Variants in NRXN3 observed in about 807,000 individuals in gnomAD.
NRXN3 encodes neurexin III.
A neutral mutation model predicts 137.6 loss-of-function variants in NRXN3; 32 were observed. The observed-to-expected ratio is 0.23, with a 90% CI of 0.18 to 0.31. The LOEUF is 0.31. NRXN3 is among the 10% of genes least tolerant of loss of function. The pLI is 1.00. For synonymous variants in NRXN3, 798 were observed against 784.5 expected (o/e 1.02, Z -0.29); for missense variants, 1,574 against 2,062.5 (o/e 0.76, Z 4.59).
intron 10 of NRXN3, among the ~76,000 whole-genome samples, chr14:78,864,049 T>G (rs908671066): frequency 6.6e-6 from 1 of 152,188 alleles, no homozygotes; most frequent in African/African-American, 2.4e-5. Flanking sequence ...CACTTCTTAC[T>G]GTACATCTCC....
chr14:78,860,918 T>C (rs1348673839), intron 10 of NRXN3, among the ~76,000 whole-genome samples: 1 of 151,922 alleles, frequency 6.6e-6, no homozygotes, highest in Non-Finnish European at 1.5e-5. Flanking sequence ...TTGAAAAAAA[T>C]ACACATATGA....
At chr14:78,300,070 C>G (rs2076730540) in intron 4 of NRXN3, among the ~76,000 whole-genome samples, 1 of 151,970 alleles carries the variant, frequency 6.6e-6, no homozygotes, top group Non-Finnish European at 1.5e-5. Context: ...ACCAGTACTC[C>G]TTTCCTTTTC....
chr14:79,054,750 A>T (rs1765154636), intron 15 of NRXN3, among the ~76,000 whole-genome samples: 1 of 152,188 alleles, frequency 6.6e-6, no homozygotes, highest in Non-Finnish European at 1.5e-5. Flanking sequence ...GCCAGTTGTT[A>T]ACAGTTTTTA....
chr14:78,548,535 C>T (rs2096657388), intron 4 of NRXN3, among the ~76,000 whole-genome samples: 2 of 152,208 alleles, frequency 1.3e-5, no homozygotes, highest in South Asian at 2.1e-4. Flanking sequence ...AACTGCACTT[C>T]AGAAGTCAGG....
At chr14:78,663,940 T>C (rs1300786804) in intron 6 of NRXN3, among the ~76,000 whole-genome samples, 1 of 152,252 alleles carries the variant, frequency 6.6e-6, no homozygotes, top group Non-Finnish European at 1.5e-5. Context: ...AAAATTGTTT[T>C]GCAAATGCAG....
intron 15 of NRXN3, among the ~76,000 whole-genome samples, chr14:79,227,903 G>T (rs1487358356): frequency 2.1e-5 from 3 of 144,604 alleles, no homozygotes; most frequent in Non-Finnish European, 3.0e-5. Flanking sequence ...CAAATGGTAA[G>T]TCAGGCCCTG....
At position 78,882,529 on chromosome 14, in the gene NRXN3, G is replaced by A. The variant is rs929330282; in HGVS notation, c.2275+72185G>A. Among the ~76,000 whole-genome samples the A allele has an allele frequency of 2.6e-5, 4 of 151,920 alleles. No individual in the cohort carries two copies. The South Asian group carries it at 8.3e-4, about 31-fold the overall frequency. On this transcript the variant is annotated intron_variant, in intron 10 of 20. Transcript: ENST00000335750. ...AAGGAGATAGTTTTGGAACTTTAAG[G>A]TTTAATGACTGCCCTATTGGATTAC...
chr14:78,238,493 G>A (rs1041855940), intron 1 of NRXN3, among the ~76,000 whole-genome samples: 3 of 152,326 alleles, frequency 2.0e-5, no homozygotes, highest in Non-Finnish European at 2.9e-5. Context: ...CACCAGAGGG[G>A]CAAAGAAGGC....
At chr14:78,198,463 CA>C (rs2061413263) in intron 1 of NRXN3, among the ~76,000 whole-genome samples, 1 of 152,074 alleles carries the variant, frequency 6.6e-6, no homozygotes, top group African/African-American at 2.4e-5. Flanking sequence ...TTCTTAAGCT[CA>C]AAGATCATGG....
intron 2 of NRXN3, chr14:78,250,167 A>G (rs944121287): frequency 1.6e-5 from 8 of 493,522 alleles, no homozygotes; most frequent in Middle Eastern, 3.2e-4. Flanking sequence ...CAGAGCTGCA[A>G]TTTGTGTCTA....
chr14:79,380,817 A>C (rs1390723585), intron 15 of NRXN3, among the ~76,000 whole-genome samples: 2 of 152,184 alleles, frequency 1.3e-5, no homozygotes, highest in African/African-American at 4.8e-5. Flanking sequence ...TAGTTCAACC[A>C]TTGTGGAAGT....
intron 3 of NRXN3, among the ~76,000 whole-genome samples, chr14:78,279,177 A>G (rs972462090): frequency 6.6e-6 from 1 of 152,220 alleles, no homozygotes; most frequent in Non-Finnish European, 1.5e-5. Flanking sequence ...TATGTAAATA[A>G]TACATGCTCA....
At chr14:79,776,890 G>T (rs769632668) in intron 19 of NRXN3, among the ~76,000 whole-genome samples, 1 of 152,162 alleles carries the variant, frequency 6.6e-6, no homozygotes. Flanking sequence ...AATTGATTTG[G>T]TTGTTCATCT....
At chr14:78,886,342 A>G (rs1479120006) in intron 10 of NRXN3, among the ~76,000 whole-genome samples, 2 of 152,150 alleles carry the variant, frequency 1.3e-5, no homozygotes, top group African/African-American at 4.8e-5. Context: ...ATTATTGTAT[A>G]TAGTGCCTGA....
At chr14:79,815,589 A>T (rs2099249200) in intron 20 of NRXN3, among the ~76,000 whole-genome samples, 1 of 152,168 alleles carries the variant, frequency 6.6e-6, no homozygotes, top group Non-Finnish European at 1.5e-5. Flanking sequence ...GGAGGAGGGA[A>T]ATGTAAAAGA....
chr14:79,847,390 T>C (rs764186359), intron 20 of NRXN3, among the ~76,000 whole-genome samples: 1 of 152,204 alleles, frequency 6.6e-6, no homozygotes, highest in Non-Finnish European at 1.5e-5. Flanking sequence ...AGGTCTTATT[T>C]TGATGTCTTT....
chr14:78,774,095 C>T (rs766647612), intron 8 of NRXN3, among the ~76,000 whole-genome samples: 12 of 151,976 alleles, frequency 7.9e-5, no homozygotes, highest in South Asian at 2.1e-4. Context: ...CCACCGCGCC[C>T]GGCCACTTAT....
intron 15 of NRXN3, among the ~76,000 whole-genome samples, chr14:79,066,705 G>A (rs944569784): frequency 6.6e-6 from 1 of 151,990 alleles, no homozygotes; most frequent in Non-Finnish European, 1.5e-5. Context: ...GTATTCCTAG[G>A]TATTGTATTC....
chr14:79,692,794 GA>G (rs1243761388), intron 18 of NRXN3, among the ~76,000 whole-genome samples: 3 of 151,408 alleles, frequency 2.0e-5, no homozygotes, highest in East Asian at 2.0e-4. Flanking sequence ...TGTTCTTAAA[GA>G]AAAAAATGAA....
Sources: allele counts gnomAD v4.1 joint callset (sites outside exome capture counted in the v4.1 genomes callset), GRCh38; gene constraint gnomAD v4.1.1; transcripts MANE v1.5; gene names NCBI Gene and HGNC (gene_info 2026-07-23, HGNC 2026-07-21).